Variants in CDH12 observed in about 807,000 individuals in gnomAD.
CDH12 encodes cadherin 12.
Under a neutral mutation model 74.1 loss-of-function variants are expected in CDH12, and 41 were observed. That is an observed-to-expected ratio of 0.55 (90% CI 0.43 to 0.72). The LOEUF (loss-of-function observed/expected upper bound fraction) is 0.72. Among genes scored for constraint, CDH12 ranks in the 30% least tolerant of loss-of-function variants. CDH12 has a pLI of 0.00. For synonymous variants in CDH12, 399 were observed against 355.0 expected (o/e 1.12, Z -1.39); for missense variants, 945 against 977.2 (o/e 0.97, Z 0.44).
chr5:22,656,394 G>C (rs1407555748), intron 1 of CDH12, among the ~76,000 whole-genome samples: 1 of 152,060 alleles, frequency 6.6e-6, no homozygotes, highest in Non-Finnish European at 1.5e-5. Context: ...ATTTCCAAAT[G>C]GCTAGTAAGA....
At chr5:22,382,116 A>G (rs529849361) in intron 3 of CDH12, among the ~76,000 whole-genome samples, 1,479 of 146,092 alleles carry the variant, frequency 0.01, 7 homozygotes, top group Middle Eastern at 0.032. Context: ...TATTTATAAT[A>G]TATCACATAT....
At chr5:21,882,543 C>CA in intron 6 of CDH12, 1 of 1,139,110 alleles carries the variant, frequency 8.8e-7, no homozygotes, top group Non-Finnish European at 1.3e-6. Flanking sequence ...TCGCCGCCGA[C>CA]AACCTGTCTC....
chr5:21,818,339 T>C (rs114612522), intron 8 of CDH12, among the ~76,000 whole-genome samples: 1,631 of 152,094 alleles, frequency 0.011, 25 homozygotes, highest in African/African-American at 0.035. Flanking sequence ...TAAAAAATCA[T>C]GTTACAATAT....
At chr5:22,365,719 A>G (rs1741000543) in intron 3 of CDH12, among the ~76,000 whole-genome samples, 1 of 152,180 alleles carries the variant, frequency 6.6e-6, no homozygotes, top group Admixed American at 6.5e-5. Context: ...CTTTGTAGCT[A>G]TTGTTTTGAA....
At chr5:22,345,909 G>C (rs577568051) in intron 3 of CDH12, among the ~76,000 whole-genome samples, 129 of 152,118 alleles carry the variant, frequency 8.5e-4, no homozygotes, top group African/African-American at 3.0e-3. Context: ...TTCGAGACCA[G>C]CCTGGCAAAC....
chr5:22,034,953 G>A (rs1739070308), intron 5 of CDH12, among the ~76,000 whole-genome samples: 1 of 152,036 alleles, frequency 6.6e-6, no homozygotes, highest in African/African-American at 2.4e-5. Flanking sequence ...TACAACTTTA[G>A]GCAAAATGAC....
At chr5:22,053,708 C>G (rs1359450807) in intron 5 of CDH12, among the ~76,000 whole-genome samples, 1 of 152,088 alleles carries the variant, frequency 6.6e-6, no homozygotes, top group Non-Finnish European at 1.5e-5. Flanking sequence ...TACATATTCT[C>G]CACATGGAAA....
intron 5 of CDH12, among the ~76,000 whole-genome samples, chr5:22,068,484 A>C (rs1036581243): frequency 2.0e-5 from 3 of 152,142 alleles, no homozygotes; most frequent in African/African-American, 7.2e-5. Context: ...TTAGCAGTGC[A>C]CCTGGTTTTT....
At chr5:22,781,194 G>GA (rs1372385192) in intron 1 of CDH12, among the ~76,000 whole-genome samples, 1 of 152,106 alleles carries the variant, frequency 6.6e-6, no homozygotes, top group Non-Finnish European at 1.5e-5. Flanking sequence ...CTGCACTCAA[G>GA]AAAAAAATGA....
intron 4 of CDH12, among the ~76,000 whole-genome samples, chr5:22,156,686 C>T (rs1273230257): frequency 1.3e-5 from 2 of 152,050 alleles, no homozygotes; most frequent in Non-Finnish European, 2.9e-5. Context: ...TTAAAAAGAA[C>T]ACTCCAATGA....
At chr5:22,319,686 C>A (rs894634023) in intron 3 of CDH12, among the ~76,000 whole-genome samples, 4 of 151,864 alleles carry the variant, frequency 2.6e-5, no homozygotes, top group African/African-American at 9.7e-5. Flanking sequence ...TTTATAAATT[C>A]TTTAGTAACA....
At chr5:22,562,228 A>C (rs957091501) in intron 1 of CDH12, among the ~76,000 whole-genome samples, 3 of 151,930 alleles carry the variant, frequency 2.0e-5, no homozygotes, top group Non-Finnish European at 4.4e-5. Context: ...GAGGCAGGAG[A>C]ATGGCGTGAA....
chr5:22,666,004 A>G lies in CDH12; in HGVS notation c.-522-160640T>C, dbSNP rs551345122. Among the ~76,000 whole-genome samples the G allele has an allele frequency of 7.9e-5, 12 of 152,242 alleles. No homozygotes were observed. The South Asian group carries it at 2.3e-3, about 29-fold the overall frequency. On this transcript the variant is annotated intron_variant, in intron 1 of 14. Transcript: ENST00000382254. ...CTCCAGCCCAGACGCTTTCTGCCTCATATATCCAATTGCATACTTCACATT... is the reference window on the plus strand; with the variant it reads ...CTCCAGCCCAGACGCTTTCTGCCTCGTATATCCAATTGCATACTTCACATT...
chr5:21,995,177 C>T (rs995901254), intron 5 of CDH12, among the ~76,000 whole-genome samples: 10 of 151,934 alleles, frequency 6.6e-5, no homozygotes, highest in Non-Finnish European at 1.3e-4. Context: ...ACCGCGATCA[C>T]GGCTTAGTGC....
chr5:21,963,338 G>A (rs976962845), intron 6 of CDH12, among the ~76,000 whole-genome samples: 12 of 151,890 alleles, frequency 7.9e-5, no homozygotes, highest in African/African-American at 2.9e-4. Context: ...AAGAGCTTCT[G>A]CATAGCAAAA....
chr5:22,350,311 T>G (rs182782770), intron 3 of CDH12, among the ~76,000 whole-genome samples: 1 of 152,160 alleles, frequency 6.6e-6, no homozygotes, highest in Non-Finnish European at 1.5e-5. Context: ...AGCTACAAGG[T>G]TTTTTTCAGT....
At chr5:22,591,079 C>T (rs1462894523) in intron 1 of CDH12, among the ~76,000 whole-genome samples, 2 of 152,270 alleles carry the variant, frequency 1.3e-5, no homozygotes, top group Non-Finnish European at 2.9e-5. Context: ...CTAAGTGACT[C>T]CAGCCTCCCC....
chr5:22,008,504 C>T (rs535419634), intron 5 of CDH12, among the ~76,000 whole-genome samples: 7 of 152,318 alleles, frequency 4.6e-5, no homozygotes, highest in African/African-American at 1.7e-4. Context: ...GCTGGGATTA[C>T]AGGCGTGAGC....
intron 1 of CDH12, among the ~76,000 whole-genome samples, chr5:22,638,468 C>T (rs1350946684): frequency 6.6e-6 from 1 of 152,112 alleles, no homozygotes; most frequent in Non-Finnish European, 1.5e-5. Context: ...TGGTCTAGTC[C>T]TTCCAAGTTC....
Sources: allele counts gnomAD v4.1 joint callset (sites outside exome capture counted in the v4.1 genomes callset), GRCh38; gene constraint gnomAD v4.1.1; transcripts MANE v1.5; gene names NCBI Gene and HGNC (gene_info 2026-07-23, HGNC 2026-07-21).